The following SDF2 variants were observed in gnomAD, a reference collection of about 807,000 sequenced individuals.
SDF2 encodes the protein stromal cell-derived factor 2.
In SDF2, 12 loss-of-function variants were observed where a neutral mutation model predicts 20.5. The ratio of observed to expected loss-of-function variants is 0.58; its 90% confidence interval spans 0.37 to 0.95. SDF2 has a LOEUF of 0.95. Ranked by LOEUF, SDF2 falls within the 40% of genes least tolerant of loss-of-function variation. SDF2 has a pLI of 0.01. For missense variants in SDF2, 238 were observed against 263.1 expected (o/e 0.90, Z 0.66); for synonymous variants, 100 against 101.0 (o/e 0.99, Z 0.06).
At chr17:28,650,399 G>A in intron 2 of SDF2, among the ~76,000 whole-genome samples, 1 of 151,868 alleles carries the variant, frequency 6.6e-6, no homozygotes, top group African/African-American at 2.4e-5. Flanking sequence ...AAAAGATTAT[G>A]GTCCAAACAC....
intron 1 of SDF2, among the ~76,000 whole-genome samples, chr17:28,656,804 T>C (rs1646101309): frequency 6.6e-6 from 1 of 152,174 alleles, no homozygotes; most frequent in South Asian, 2.1e-4. Flanking sequence ...TTTAACATGT[T>C]TGTAATATTA....
intron 1 of SDF2, 56 bp downstream of exon 1, chr17:28,661,670 C>T (rs1013138903): frequency 2.2e-5 from 34 of 1,569,382 alleles, no homozygotes; most frequent in Non-Finnish European, 3.0e-5. Flanking sequence ...TAGGCCCCGC[C>T]CCTCCAGAGC....
intron 2 of SDF2, chr17:28,651,580 G>T (rs2071915196): frequency 1.3e-5 from 2 of 152,200 alleles, no homozygotes; most frequent in Admixed American, 6.5e-5. Flanking sequence ...CAGAGCAACT[G>T]TGAGAATTAA....
intron 2 of SDF2, among the ~76,000 whole-genome samples, chr17:28,652,291 A>C (rs2071921361): frequency 6.6e-6 from 1 of 152,116 alleles, no homozygotes; most frequent in African/African-American, 2.4e-5. Context: ...GAGTAAGCAC[A>C]CACAGGTAAC....
In SDF2 at chr17:28,655,312, A is replaced by T; in HGVS notation, c.323T>A (p.Phe108Tyr). The stretch of plus-strand genomic sequence containing the variant: ...CTGGTTTCCAGAAAGAGGTGAAGTG[A>T]AGTGGTGACTATGGAGGTTTCGGCC... Reference protein sequence around the residue: ...NTGRNLHSHHFTSPLSGNQEV... With the variant: ...NTGRNLHSHHYTSPLSGNQEV... The change falls in exon 2 of 3, where the codon TTC becomes TAC. Residue 108 changes from phenylalanine (F) to tyrosine (Y), a missense_variant. Phe to Tyr is a conservative substitution (Grantham distance 22). Coordinates refer to ENST00000247020, the MANE Select transcript of SDF2 (RefSeq NM_006923.4). 1 of 1,614,216 alleles carries T rather than the reference A, an allele frequency of 6.2e-7. No homozygotes were observed. The highest frequency in any genetic ancestry group is 8.5e-7 in the Non-Finnish European group (1 of 1,180,036).
intron 1 of SDF2, chr17:28,657,606 C>G (rs2071976012): frequency 1.3e-5 from 2 of 152,060 alleles, no homozygotes; most frequent in African/African-American, 4.8e-5. Context: ...CCATGTTGCC[C>G]AGGCTACTCT....
At chr17:28,661,474 C>T (rs759355425) in intron 1 of SDF2, among the ~76,000 whole-genome samples, 22 of 152,174 alleles carry the variant, frequency 1.4e-4, no homozygotes, top group Non-Finnish European at 2.8e-4. Context: ...CAATACTGTC[C>T]ACCTTACAAC....
chr17:28,650,551 C>T (rs140321351), intron 2 of SDF2, among the ~76,000 whole-genome samples: 3,142 of 150,758 alleles, frequency 0.021, 40 homozygotes, highest in Middle Eastern at 0.031. Context: ...TTTGGGAGGG[C>T]GAGGCGGGCA....
chr17:28,662,064 C>T, upstream of SDF2: 1 of 591,068 alleles, frequency 1.7e-6, no homozygotes, highest in Non-Finnish European at 2.8e-6. Context: ...CGCTCTGTTC[C>T]AGGGGCTCAG....
intron 1 of SDF2, among the ~76,000 whole-genome samples, chr17:28,659,592 C>T (rs1222543871): frequency 6.6e-6 from 1 of 150,910 alleles, no homozygotes; most frequent in Non-Finnish European, 1.5e-5. Context: ...AGGCGCTCCT[C>T]ACTTCCCAGA....
chr17:28,654,495 AC>A (rs933790991), intron 2 of SDF2, among the ~76,000 whole-genome samples: 26 of 152,142 alleles, frequency 1.7e-4, no homozygotes, highest in African/African-American at 6.3e-4. Flanking sequence ...CTCCACTTTG[AC>A]CAGAAACAAT....
At chr17:28,655,507 A>G (rs189371848) in intron 1 of SDF2, 24 bp from the exon 2 acceptor site, 1 of 1,549,322 alleles carries the variant, frequency 6.5e-7, no homozygotes, top group East Asian at 2.3e-5. Flanking sequence ...AAGAAAGGCA[A>G]CTCTCTTTCT....
In SDF2 at chr17:28,661,843, A is replaced by C. The variant is rs773190232; in HGVS notation, c.34T>G (p.Leu12Val). ...AVVPLLLLGG[L>V]WSAVGASSLG... is the part of the protein sequence containing the mutation. ...CTGGACGCTCCCACAGCGCTCCACA[A>C]ACCCCCCAACAACAGCAGAGGTACT... Residue 12 changes from leucine (L) to valine (V), a missense_variant, in exon 1 of 3, where the codon TTG (leucine) becomes GTG (valine). Transcript: ENST00000247020. 1 of 1,614,026 alleles carries C rather than the reference A, an allele frequency of 6.2e-7. No homozygotes were observed. Among genetic ancestry groups the C allele is most frequent in the South Asian group, 1.1e-5 (1 of 91,086 alleles).
At chr17:28,659,889 C>T (rs977051944) in intron 1 of SDF2, among the ~76,000 whole-genome samples, 4 of 152,178 alleles carry the variant, frequency 2.6e-5, no homozygotes, top group African/African-American at 7.2e-5. Context: ...CCAAGGCAGG[C>T]GGCTGGGAGG....
At chr17:28,660,131 C>T (rs1410952671) in intron 1 of SDF2, among the ~76,000 whole-genome samples, 2 of 152,108 alleles carry the variant, frequency 1.3e-5, no homozygotes, top group Non-Finnish European at 2.9e-5. Context: ...CCCAGGCACT[C>T]GGCAGGCCGT....
chr17:28,653,938 G>C (rs1172613405), intron 2 of SDF2, among the ~76,000 whole-genome samples: 1 of 152,160 alleles, frequency 6.6e-6, no homozygotes, highest in Non-Finnish European at 1.5e-5. Flanking sequence ...GATATTAATA[G>C]GGAAAACTGC....
chr17:28,650,718 G>A (rs934049359), intron 2 of SDF2, among the ~76,000 whole-genome samples: 11 of 150,666 alleles, frequency 7.3e-5, no homozygotes, highest in South Asian at 6.3e-4. Context: ...CCTGGGAGGC[G>A]GAGGTTGCCG....
intron 1 of SDF2, chr17:28,657,783 G>A (rs1160716878): frequency 6.6e-6 from 1 of 152,114 alleles, no homozygotes; most frequent in East Asian, 1.9e-4. Flanking sequence ...GGAGGTCAAG[G>A]TGGGCAGATC....
intron 1 of SDF2, among the ~76,000 whole-genome samples, chr17:28,657,370 A>T (rs1414402602): frequency 6.6e-6 from 1 of 152,080 alleles, no homozygotes; most frequent in East Asian, 1.9e-4. Flanking sequence ...AACATAGCAA[A>T]ATGCAGTCTC....
Sources: allele counts gnomAD v4.1 joint callset (sites outside exome capture counted in the v4.1 genomes callset), GRCh38; gene constraint gnomAD v4.1.1; transcripts MANE v1.5; gene names NCBI Gene and HGNC (gene_info 2026-07-23, HGNC 2026-07-21).